The following OPCML variants were observed in gnomAD, a reference collection of about 807,000 sequenced individuals.
OPCML encodes the protein opioid binding protein/cell adhesion molecule like, also known as opioid-binding protein/cell adhesion molecule.
In OPCML, 13 loss-of-function variants were observed where a neutral mutation model predicts 37.8. That is an observed-to-expected ratio of 0.34 (90% CI 0.22 to 0.55). OPCML has a LOEUF of 0.55. Ranked by LOEUF, OPCML falls within the 20% of genes least tolerant of loss-of-function variation. The probability of loss-of-function intolerance (pLI) is 0.91; values close to 1 mark genes in which losing one functional copy is unlikely to be tolerated. For synonymous variants in OPCML, 176 were observed against 168.8 expected (o/e 1.04, Z -0.33); for missense variants, 341 against 435.6 (o/e 0.78, Z 1.93).
At chr11:133,283,903 C>T (rs1942228258) in intron 1 of OPCML, among the ~76,000 whole-genome samples, 1 of 152,116 alleles carries the variant, frequency 6.6e-6, no homozygotes, top group Admixed American at 6.5e-5. Flanking sequence ...TCTTTTACTC[C>T]TTTCTAAATT....
At chr11:133,530,812 G>A (rs1276521778) in intron 1 of OPCML, among the ~76,000 whole-genome samples, 1 of 152,176 alleles carries the variant, frequency 6.6e-6, no homozygotes. Context: ...ACTTGTTTTA[G>A]TTGATCCTCT....
At chr11:132,834,878 A>C (rs948600456) in intron 2 of OPCML, among the ~76,000 whole-genome samples, 1 of 152,152 alleles carries the variant, frequency 6.6e-6, no homozygotes, top group East Asian at 1.9e-4. Context: ...AATGACATTA[A>C]GATTAAAAAG....
chr11:132,787,846 A>C (rs1374293820), intron 2 of OPCML, among the ~76,000 whole-genome samples: 1 of 152,058 alleles, frequency 6.6e-6, no homozygotes, highest in African/African-American at 2.4e-5. Context: ...TGACCTGTAT[A>C]TCCAACAAGC....
At chr11:132,886,883 C>T (rs184889783) in intron 2 of OPCML, among the ~76,000 whole-genome samples, 142 of 152,294 alleles carry the variant, frequency 9.3e-4, no homozygotes, top group African/African-American at 3.1e-3. Flanking sequence ...TCCCAGAACG[C>T]CATCGTGCCC....
chr11:133,324,364 G>T (rs1014979369), intron 1 of OPCML, among the ~76,000 whole-genome samples: 3 of 152,162 alleles, frequency 2.0e-5, no homozygotes, highest in African/African-American at 7.2e-5. Context: ...TTTCGGGATG[G>T]CATGCCACCA....
chr11:132,793,188 C>G (rs1938052178), intron 2 of OPCML, among the ~76,000 whole-genome samples: 1 of 152,138 alleles, frequency 6.6e-6, no homozygotes, highest in Admixed American at 6.5e-5. Context: ...CTTGCCTGCC[C>G]TGACCCAGTG....
intron 1 of OPCML, among the ~76,000 whole-genome samples, chr11:133,285,741 C>T (rs1349991961): frequency 6.6e-6 from 1 of 152,136 alleles, no homozygotes; most frequent in East Asian, 1.9e-4. Context: ...GATTTAACTC[C>T]TTAAAGAAGG....
intron 4 of OPCML, among the ~76,000 whole-genome samples, chr11:132,441,254 G>A (rs920900002): frequency 5.3e-5 from 7 of 131,436 alleles, no homozygotes; most frequent in Middle Eastern, 3.9e-3. Flanking sequence ...TGCAAGCTCC[G>A]CCTCCCGGGT....
chr11:132,894,992 G>A (rs1316422141), intron 2 of OPCML, among the ~76,000 whole-genome samples: 1 of 152,170 alleles, frequency 6.6e-6, no homozygotes, highest in Admixed American at 6.5e-5. Context: ...TAAATAGCTT[G>A]TTGGTTCTGT....
intron 1 of OPCML, among the ~76,000 whole-genome samples, chr11:133,020,579 G>T (rs1179321285): frequency 6.6e-6 from 1 of 152,164 alleles, no homozygotes; most frequent in Non-Finnish European, 1.5e-5. Flanking sequence ...AGAGCAGGCA[G>T]CTGGGATCCT....
chr11:132,898,342 A>G (rs1452249973), intron 2 of OPCML, among the ~76,000 whole-genome samples: 27 of 152,076 alleles, frequency 1.8e-4, no homozygotes, highest in Admixed American at 1.8e-3. Flanking sequence ...TTCTGCCAAT[A>G]CTACCATCTG....
chr11:132,547,794 C>T (rs796167475), intron 3 of OPCML, among the ~76,000 whole-genome samples: 4 of 152,142 alleles, frequency 2.6e-5, no homozygotes, highest in Admixed American at 2.6e-4. Flanking sequence ...TGCCATCTCT[C>T]TGAACGTGAC....
intron 2 of OPCML, among the ~76,000 whole-genome samples, chr11:132,681,799 C>CA (rs777146811): frequency 7.9e-5 from 12 of 151,886 alleles, no homozygotes; most frequent in Non-Finnish European, 1.0e-4. Context: ...ACTAAAAATA[C>CA]AAAAAAATTA....
intron 3 of OPCML, among the ~76,000 whole-genome samples, chr11:132,581,522 T>C (rs2137634891): frequency 6.6e-6 from 1 of 152,248 alleles, no homozygotes; most frequent in East Asian, 1.9e-4. Flanking sequence ...GTAACAAAAT[T>C]TGTTTTGAAA....
At chr11:133,264,671 C>T (rs1194260918) in intron 1 of OPCML, among the ~76,000 whole-genome samples, 1 of 152,090 alleles carries the variant, frequency 6.6e-6, no homozygotes. Context: ...AAGTGCAAAC[C>T]TCAGATTCCT....
chr11:133,310,617 A>G (rs1257908445), intron 1 of OPCML, among the ~76,000 whole-genome samples: 3 of 152,154 alleles, frequency 2.0e-5, no homozygotes, highest in African/African-American at 7.2e-5. Flanking sequence ...CGTTTCCAGA[A>G]CAAAGAGGGG....
chr11:132,520,885 A>G (rs1166381337), intron 4 of OPCML, among the ~76,000 whole-genome samples: 1 of 152,114 alleles, frequency 6.6e-6, no homozygotes, highest in African/African-American at 2.4e-5. Flanking sequence ...TCCTTTAGGT[A>G]TATACCAAAT....
At chr11:132,543,221 A>G (rs2096361205) in intron 3 of OPCML, among the ~76,000 whole-genome samples, 1 of 152,222 alleles carries the variant, frequency 6.6e-6, no homozygotes, top group Admixed American at 6.5e-5. Flanking sequence ...AAACTATAAA[A>G]TGGTATAGAA....
chr11:133,017,146 G>T (rs997333152), intron 1 of OPCML, among the ~76,000 whole-genome samples: 2 of 152,062 alleles, frequency 1.3e-5, no homozygotes, highest in African/African-American at 2.4e-5. Context: ...GTGTCCTCAC[G>T]TGGCAGAAAG....
Sources: allele counts gnomAD v4.1 joint callset (sites outside exome capture counted in the v4.1 genomes callset), GRCh38; gene constraint gnomAD v4.1.1; transcripts MANE v1.5; gene names NCBI Gene and HGNC (gene_info 2026-07-23, HGNC 2026-07-21).